Variants in SGSM1 observed in about 807,000 individuals in gnomAD.
SGSM1 encodes small G protein signaling modulator 1.
SGSM1 carries 73 observed loss-of-function variants against 133.8 expected under a neutral mutation model. That is an observed-to-expected ratio of 0.55 (90% CI 0.45 to 0.66). The LOEUF is 0.66. Ranked by LOEUF, SGSM1 falls within the 30% of genes least tolerant of loss-of-function variation. SGSM1 has a pLI of 0.00. For synonymous variants in SGSM1, 563 were observed against 573.0 expected (o/e 0.98, Z 0.25); for missense variants, 1,213 against 1,448.1 (o/e 0.84, Z 2.64).
intron 9 of SGSM1, among the ~76,000 whole-genome samples, chr22:24,861,849 A>G (rs1317634106): frequency 7.2e-6 from 1 of 138,490 alleles, no homozygotes; most frequent in Non-Finnish European, 1.6e-5. Flanking sequence ...ATTTTATTTT[A>G]TATGGAGATG....
At chr22:24,912,599 A>G in intron 21 of SGSM1, 44 bp from the exon 22 acceptor site, 1 of 1,301,512 alleles carries the variant, frequency 7.7e-7, no homozygotes, top group African/African-American at 1.4e-5. Flanking sequence ...GAACCATATC[A>G]CTTGGGCAGC....
chr22:24,897,960 C>T lies in SGSM1; in HGVS notation c.2023-12C>T. The T allele has an allele frequency of 1.9e-6, 3 of 1,574,730 alleles. No individual in the cohort carries two copies. Among genetic ancestry groups the T allele is most frequent in the Non-Finnish European group, 2.6e-6 (3 of 1,159,418 alleles). On this transcript the variant is annotated splice_polypyrimidine_tract_variant and intron_variant, in intron 18 of 24. Transcript: ENST00000400358. ...ATGCCGGTCCATCTGTTTTTGTGCA[C>T]CTTGTCCTCAGGTGTTTGAGTCTGT...
At chr22:24,888,533 C>T (rs770205060) in intron 16 of SGSM1, among the ~76,000 whole-genome samples, 12 of 151,972 alleles carry the variant, frequency 7.9e-5, no homozygotes, top group Non-Finnish European at 1.0e-4. Flanking sequence ...TTTGGGAGGC[C>T]GAGGCAGGTG....
At chr22:24,813,636 A>G (rs1227279305) in intron 2 of SGSM1, 1 of 151,260 alleles carries the variant, frequency 6.6e-6, no homozygotes, top group Non-Finnish European at 1.5e-5. Flanking sequence ...CCTCATGAAT[A>G]ATGCAGCCAT....
Position 24,841,092 on chromosome 22 carries a change from C to A in SGSM1, c.64-3805C>A, listed in dbSNP as rs780967802. On this transcript the variant is annotated intron_variant, in intron 2 of 24. Transcript: ENST00000400358. ...GTCTCGATCTCCTGACCTTGTGATC[C>A]GCCCGCCTTGGCCTCCCAAAGTGCT... Among the ~76,000 whole-genome samples the A allele has an allele frequency of 1.8e-4, 27 of 152,234 alleles. 1 individual carries two copies. The East Asian group carries it at 4.8e-3, about 27-fold the overall frequency.
At chr22:24,896,429 G>A (rs117374199) in intron 18 of SGSM1, among the ~76,000 whole-genome samples, 3,194 of 152,066 alleles carry the variant, frequency 0.021, 81 homozygotes, top group East Asian at 0.057. Flanking sequence ...AAATATTTCA[G>A]GTGACTTTGG....
At chr22:24,879,837 T>A (rs116349589) in intron 14 of SGSM1, among the ~76,000 whole-genome samples, 1 of 152,148 alleles carries the variant, frequency 6.6e-6, no homozygotes, top group Non-Finnish European at 1.5e-5. Context: ...CAGGATTGAA[T>A]GAGGACCACG....
chr22:24,821,867 G>C (rs971794654), intron 2 of SGSM1, among the ~76,000 whole-genome samples: 2 of 152,066 alleles, frequency 1.3e-5, no homozygotes, highest in African/African-American at 2.4e-5. Context: ...CTACCCCACT[G>C]TCAACATCCT....
intron 2 of SGSM1, among the ~76,000 whole-genome samples, chr22:24,829,514 G>A (rs958971167): frequency 6.6e-6 from 1 of 152,142 alleles, no homozygotes; most frequent in Non-Finnish European, 1.5e-5. Context: ...GTGTACCCTT[G>A]AACTTAAAAC....
chr22:24,841,057 A>C (rs372422699), intron 2 of SGSM1, among the ~76,000 whole-genome samples: 2 of 151,754 alleles, frequency 1.3e-5, no homozygotes, highest in African/African-American at 2.4e-5. Flanking sequence ...TCACCGTGTT[A>C]GCCAAGATGG....
At chr22:24,876,437 T>C in intron 12 of SGSM1, 140 bp from the exon 13 acceptor site, 1 of 1,118,564 alleles carries the variant, frequency 8.9e-7, no homozygotes, top group Non-Finnish European at 1.3e-6. Flanking sequence ...GGGCTGCTGT[T>C]TCCTACTGTC....
intron 12 of SGSM1, among the ~76,000 whole-genome samples, chr22:24,873,966 A>G (rs1426053077): frequency 3.9e-5 from 6 of 152,140 alleles, no homozygotes; most frequent in Non-Finnish European, 7.3e-5. Context: ...TCTAATCTGT[A>G]AAAGGGGTTA....
intron 2 of SGSM1, among the ~76,000 whole-genome samples, chr22:24,822,762 T>C (rs1928557618): frequency 6.6e-6 from 1 of 152,178 alleles, no homozygotes; most frequent in Non-Finnish European, 1.5e-5. Context: ...GTGCATTGGT[T>C]GCTCTGCCAC....
intron 9 of SGSM1, among the ~76,000 whole-genome samples, chr22:24,863,828 G>A (rs1209730607): frequency 6.7e-6 from 1 of 149,552 alleles, no homozygotes; most frequent in Non-Finnish European, 1.5e-5. Context: ...TGCAACCTCC[G>A]CCTCCCAGGT....
chr22:24,838,437 G>A (rs925662011), intron 2 of SGSM1, among the ~76,000 whole-genome samples: 7 of 152,304 alleles, frequency 4.6e-5, no homozygotes, highest in East Asian at 1.9e-4. Flanking sequence ...AAGCAAACAT[G>A]GTGAATGAGT....
intron 16 of SGSM1, among the ~76,000 whole-genome samples, chr22:24,891,319 C>T (rs943834865): frequency 1.3e-5 from 2 of 152,116 alleles, no homozygotes; most frequent in African/African-American, 4.8e-5. Flanking sequence ...ATGATTGTGC[C>T]ACTGCATTTC....
At chr22:24,837,581 C>CA (rs1555922687) in intron 2 of SGSM1, among the ~76,000 whole-genome samples, 3 of 65,922 alleles carry the variant, frequency 4.6e-5, no homozygotes, top group African/African-American at 1.1e-4. Flanking sequence ...AAGGGAGACC[C>CA]CCCCCCCCCC....
chr22:24,869,639 G>A (rs1251705588), intron 12 of SGSM1, among the ~76,000 whole-genome samples: 1 of 152,216 alleles, frequency 6.6e-6, no homozygotes, highest in Non-Finnish European at 1.5e-5. Flanking sequence ...GATTCAATGA[G>A]ATGATGAGAT....
chr22:24,837,921 T>C (rs1929563128), intron 2 of SGSM1, among the ~76,000 whole-genome samples: 2 of 152,240 alleles, frequency 1.3e-5, no homozygotes, highest in African/African-American at 2.4e-5. Flanking sequence ...CTAAGATCTA[T>C]ATCTGGTATA....
Sources: gnomAD v4.1 joint callset for allele counts (sites outside exome capture counted in the v4.1 genomes callset) on GRCh38, gnomAD v4.1.1 for gene constraint, MANE v1.5 for transcripts, NCBI Gene and HGNC (gene_info 2026-07-23, HGNC 2026-07-21) for gene names.